Variants in FAM162A observed in about 807,000 individuals in gnomAD.
FAM162A encodes the protein protein FAM162A.
A neutral mutation model predicts 21.8 loss-of-function variants in FAM162A; 23 were observed. The observed-to-expected ratio is 1.05, with a 90% CI of 0.76 to 1.49. The LOEUF is 1.49. Ranked by LOEUF, FAM162A falls within the 40% of genes most tolerant of loss-of-function variation. The pLI, the probability that FAM162A is intolerant of heterozygous loss-of-function variation, is 0.00. For synonymous variants in FAM162A, 53 were observed against 61.3 expected (o/e 0.86, Z 0.64); for missense variants, 165 against 186.4 (o/e 0.89, Z 0.67).
chr3:122,388,127 A>G (rs1275286931), intron 1 of FAM162A, among the ~76,000 whole-genome samples: 2 of 152,236 alleles, frequency 1.3e-5, no homozygotes, highest in Non-Finnish European at 2.9e-5. Flanking sequence ...AATTGCTGCT[A>G]CCTATGAAGA....
At chr3:122,405,850 T>C (rs1008634867) in intron 3 of FAM162A, among the ~76,000 whole-genome samples, 2 of 152,116 alleles carry the variant, frequency 1.3e-5, no homozygotes, top group African/African-American at 2.4e-5. Flanking sequence ...ACATGGGAAG[T>C]CAGTTTGTGG....
At chr3:122,404,993 T>C (rs2075670587) in intron 3 of FAM162A, among the ~76,000 whole-genome samples, 1 of 152,162 alleles carries the variant, frequency 6.6e-6, no homozygotes, top group Non-Finnish European at 1.5e-5. Flanking sequence ...TTCTGCCCCC[T>C]ACATGCCCGT....
chr3:122,411,573 T>C lies in FAM162A; in HGVS notation c.*1742T>C, dbSNP rs74714244. ...ATTTAATGAAACCTTTTTTTTTTTT[T>C]TGAGACAGTCTTGCACTGTCGCCCA... On this transcript the variant is annotated 3_prime_UTR_variant, in exon 5 of 5. Coordinates refer to ENST00000477892, the MANE Select transcript of FAM162A (RefSeq NM_014367.4). 6.6e-6 allele frequency: 1 copy of C among 152,034 alleles called. No individual in the cohort carries two copies. The highest frequency in any genetic ancestry group is 1.5e-5 in the Non-Finnish European group (1 of 67,972). 9.4% of individuals were successfully genotyped at this position (152,034 alleles called of 1,614,324 possible). A position where few individuals can be genotyped will look rare whatever the true frequency, so the allele number is the denominator to read the frequency against.
At chr3:122,406,446 C>T (rs1351630780) in intron 3 of FAM162A, among the ~76,000 whole-genome samples, 3 of 152,248 alleles carry the variant, frequency 2.0e-5, no homozygotes, top group Non-Finnish European at 1.5e-5. Context: ...CTTGCAAAAT[C>T]ACCAAGGTAG....
intron 1 of FAM162A, among the ~76,000 whole-genome samples, chr3:122,399,978 C>G (rs1293935610): frequency 6.6e-6 from 1 of 152,134 alleles, no homozygotes. Flanking sequence ...GTGGCAGACG[C>G]CTGTAATCCC....
chr3:122,401,653 G>A (rs2075654036), intron 1 of FAM162A: 1 of 561,876 alleles, frequency 1.8e-6, no homozygotes, highest in Non-Finnish European at 2.5e-6. Context: ...AAAAAAAATA[G>A]CCATTCTGGC....
rs547510026 is a variant in FAM162A at position 122,403,024 on chromosome 3, T to C, written c.157+142T>C. 8.5e-5 allele frequency: 82 copies of C among 967,608 alleles called. No homozygotes were observed. In the African/African-American group the frequency reaches 1.3e-3, roughly 15 times the overall value. 59.9% of individuals were successfully genotyped at this position (967,608 alleles called of 1,614,324 possible). ...GAACACATTGTGTTCACATTGTGCA[T>C]GTGCACATGACCAATATGAGCACAA... On this transcript the variant is annotated intron_variant, in intron 2 of 4. Coordinates refer to ENST00000477892, the MANE Select transcript of FAM162A (RefSeq NM_014367.4).
At position 122,384,637 on chromosome 3, in the gene FAM162A, A is replaced by G. The variant is rs146664672; in HGVS notation, c.34+338A>G. ...CTATCCCTAGACCTCCCCTTTACCC[A>G]TGCATTCAGCTTTCCACCCTAACCT... On this transcript the variant is annotated intron_variant, in intron 1 of 4. Coordinates refer to ENST00000477892, the MANE Select transcript of FAM162A (RefSeq NM_014367.4). 2.0e-5 allele frequency among the ~76,000 whole-genome samples: 3 copies of G among 151,628 alleles called. No homozygotes were observed. The East Asian group carries it at 5.8e-4, about 29-fold the overall frequency.
Position 122,410,634 on chromosome 3 carries a change from A to C in FAM162A, c.*803A>C, listed in dbSNP as rs1284266392. On this transcript the variant is annotated 3_prime_UTR_variant, in exon 5 of 5. Coordinates refer to ENST00000477892, the MANE Select transcript of FAM162A (RefSeq NM_014367.4). Reference sequence around the variant, plus strand: ...AGGTATGAATACAGGTTTCTATTTTAAACATTGATTCTCACATGCTTCTTA... The same window carrying C: ...AGGTATGAATACAGGTTTCTATTTTCAACATTGATTCTCACATGCTTCTTA... 6.6e-6 allele frequency: 1 copy of C among 152,250 alleles called. No homozygotes were observed. The highest frequency in any genetic ancestry group is 2.4e-5 in the African/African-American group (1 of 41,458). 9.4% of individuals were successfully genotyped at this position (152,250 alleles called of 1,614,324 possible). A position where few individuals can be genotyped will look rare whatever the true frequency, so the allele number is the denominator to read the frequency against.
chr3:122,390,777 A>G (rs2075600780), intron 1 of FAM162A, among the ~76,000 whole-genome samples: 1 of 152,162 alleles, frequency 6.6e-6, no homozygotes, highest in African/African-American at 2.4e-5. Flanking sequence ...TCTGTTTCAC[A>G]GGGTCCCCCA....
intron 4 of FAM162A, 151 bp from the exon 5 acceptor site, chr3:122,409,588 A>G: frequency 1.5e-6 from 1 of 665,862 alleles, no homozygotes; most frequent in Non-Finnish European, 2.7e-6. Flanking sequence ...AGGAAGTTGA[A>G]GCACATAGAG....
At chr3:122,392,241 T>C (rs934268627) in intron 1 of FAM162A, among the ~76,000 whole-genome samples, 1 of 152,212 alleles carries the variant, frequency 6.6e-6, no homozygotes, top group Non-Finnish European at 1.5e-5. Context: ...TTGATTCTTT[T>C]TCTGTTTAAA....
intron 1 of FAM162A, among the ~76,000 whole-genome samples, chr3:122,398,400 T>C (rs1213427987): frequency 6.6e-6 from 1 of 152,170 alleles, no homozygotes; most frequent in Non-Finnish European, 1.5e-5. Context: ...AGAGACAAAA[T>C]TGGCATATGC....
At chr3:122,390,045 G>T (rs1007250253) in intron 1 of FAM162A, among the ~76,000 whole-genome samples, 1 of 152,152 alleles carries the variant, frequency 6.6e-6, no homozygotes, top group Admixed American at 6.5e-5. Context: ...AGATGATACA[G>T]GAGGATCGCT....
At chr3:122,401,656 A>AGAATGGCTATTTT in intron 1 of FAM162A, 2 of 575,780 alleles carry the variant, frequency 3.5e-6, no homozygotes, top group Non-Finnish European at 2.4e-6. Flanking sequence ...AAAAATAGCC[A>AGAATGGCTATTTT]TTCTGGCTGG....
At position 122,409,927 on chromosome 3, in the gene FAM162A, A is replaced by T; in HGVS notation, c.*96A>T. The T allele has an allele frequency of 9.2e-7, 1 of 1,082,118 alleles. No homozygotes were observed. Among genetic ancestry groups the T allele is most frequent in the Non-Finnish European group, 1.4e-6 (1 of 708,072 alleles). 67.0% of individuals were successfully genotyped at this position (1,082,118 alleles called of 1,614,324 possible). A position where few individuals can be genotyped will look rare whatever the true frequency, so the allele number is the denominator to read the frequency against. ...ATGTGGTATGAGGATCCATTTCATA[A>T]AGTATGATTTGCCCAAACCTGTACC... On this transcript the variant is annotated 3_prime_UTR_variant, in exon 5 of 5. Coordinates refer to ENST00000477892, the MANE Select transcript of FAM162A (RefSeq NM_014367.4).
chr3:122,401,473 G>C, intron 1 of FAM162A: 1 of 1,226,068 alleles, frequency 8.2e-7, no homozygotes, highest in Non-Finnish European at 1.0e-6. Context: ...GGGAAAAGAA[G>C]GGGGCTATCT....
chr3:122,410,245 ACT>A lies in FAM162A; in HGVS notation c.*415_*416del, dbSNP rs1448606480. On this transcript the variant is annotated 3_prime_UTR_variant, in exon 5 of 5. Transcript: ENST00000477892. ...CCAGCCTTCTCAAATGTCCTGGTGTACTGGTGGGGAGGCTGCCCCCTAATAGA... is the reference window on the plus strand; with the variant it reads ...CCAGCCTTCTCAAATGTCCTGGTGTAGGTGGGGAGGCTGCCCCCTAATAGA... 2 of 299,016 alleles carry A rather than the reference ACT, an allele frequency of 6.7e-6. No individual in the cohort carries two copies. The highest frequency in any genetic ancestry group is 1.3e-5 in the Non-Finnish European group (2 of 153,650). The allele number at this position is 299,016 out of a possible 1,614,324, so 18.5% of individuals were successfully genotyped here.
At chr3:122,407,518 T>C in intron 4 of FAM162A, 129 bp downstream of exon 4, 1 of 637,718 alleles carries the variant, frequency 1.6e-6, no homozygotes, top group South Asian at 2.3e-5. Flanking sequence ...TGAGAAAAGA[T>C]AAGCAAAAAA....
Sources: gnomAD v4.1 joint callset for allele counts (sites outside exome capture counted in the v4.1 genomes callset) on GRCh38, gnomAD v4.1.1 for gene constraint, MANE v1.5 for transcripts, NCBI Gene and HGNC (gene_info 2026-07-23, HGNC 2026-07-21) for gene names.